ADAM28: variants seen among roughly 807,000 people sequenced by gnomAD.
The protein encoded by ADAM28 is disintegrin and metalloproteinase domain-containing protein 28.
Under a neutral mutation model 101.2 loss-of-function variants are expected in ADAM28, and 105 were observed. That is an observed-to-expected ratio of 1.04 (90% confidence interval 0.89 to 1.22). The LOEUF (loss-of-function observed/expected upper bound fraction) is 1.22. Among genes scored for constraint, ADAM28 ranks in the 50% most tolerant of loss-of-function variants. The pLI is 0.00. For missense variants in ADAM28, 1,028 were observed against 945.4 expected (o/e 1.09, Z -1.15); for synonymous variants, 322 against 310.6 (o/e 1.04, Z -0.39).
intron 18 of ADAM28, among the ~76,000 whole-genome samples, chr8:24,344,463 A>G (rs1815173803): frequency 1.3e-5 from 2 of 152,116 alleles, no homozygotes; most frequent in South Asian, 4.1e-4. Flanking sequence ...ATCTTGTTCT[A>G]TATACACAGG....
At chr8:24,346,395 T>C (rs1815402219) in intron 18 of ADAM28, among the ~76,000 whole-genome samples, 1 of 152,078 alleles carries the variant, frequency 6.6e-6, no homozygotes, top group South Asian at 2.1e-4. Flanking sequence ...ATTTCAGAGG[T>C]TAATAAACAC....
chr8:24,351,163 C>T (rs1325342244), intron 19 of ADAM28, 69 bp from the exon 20 acceptor site: 20 of 1,292,988 alleles, frequency 1.5e-5, no homozygotes, highest in Non-Finnish European at 2.0e-5. Flanking sequence ...TGGGAATCTT[C>T]TACGGAGTTT....
intron 2 of ADAM28, among the ~76,000 whole-genome samples, chr8:24,307,870 G>T (rs1350272622): frequency 1.3e-5 from 2 of 152,174 alleles, no homozygotes; most frequent in Non-Finnish European, 2.9e-5. Context: ...AGGCCCATTA[G>T]CTGATTTAGC....
chr8:24,311,444 C>T lies in ADAM28; in HGVS notation c.383+7C>T, dbSNP rs1459543899. ...GCACATGTAGGGGTCTAAGGTAAGA[C>T]TTCAGGAATGTTTTGCATGTACCTG... is the stretch of plus-strand genomic sequence containing the variant. On this transcript the variant is annotated splice_region_variant and intron_variant, in intron 5 of 22. Transcript: ENST00000265769. 2 of 1,609,514 alleles carry T rather than the reference C, an allele frequency of 1.2e-6. No individual in the cohort carries two copies. Among genetic ancestry groups the T allele is most frequent in the Admixed American group, 3.4e-5 (2 of 59,538 alleles).
chr8:24,303,340 AGT>A (rs1177859344), intron 2 of ADAM28, among the ~76,000 whole-genome samples: 2 of 152,196 alleles, frequency 1.3e-5, no homozygotes, highest in East Asian at 3.9e-4. Flanking sequence ...AAAGGGGTCC[AGT>A]TTCAATTTTC....
chr8:24,355,262 C>A lies in ADAM28; in HGVS notation c.*858C>A, dbSNP rs1449296383. 2.0e-5 allele frequency: 3 copies of A among 152,172 alleles called. No individual in the cohort carries two copies. 9.4% of individuals were successfully genotyped at this position (152,172 alleles called of 1,614,324 possible). On this transcript the variant is annotated 3_prime_UTR_variant, in exon 23 of 23. Coordinates refer to ENST00000265769, the MANE Select transcript of ADAM28 (RefSeq NM_014265.6). ...CTTTGTCAACAACAGACTTACATTG[C>A]CCATAGCAACCGTCAGCTTAGTTGA...
rs1201616010 is a variant in ADAM28 at position 24,358,567 on chromosome 8, A to C, written c.*4163A>C. On this transcript the variant is annotated 3_prime_UTR_variant, in exon 23 of 23. Transcript: ENST00000265769. ...AACACCTCTAACAAAATCTGTAGCC[A>C]CGTTGGCACATCTGCCCTTGAATTC... 6 of 152,202 alleles carry C rather than the reference A, an allele frequency of 3.9e-5. No individual in the cohort carries two copies. Among genetic ancestry groups the C allele is most frequent in the African/African-American group, 1.2e-4 (5 of 41,448 alleles). 9.4% of individuals were successfully genotyped at this position (152,202 alleles called of 1,614,324 possible).
intron 5 of ADAM28, 139 bp from the exon 6 acceptor site, chr8:24,313,248 AC>A: frequency 1.4e-6 from 1 of 694,910 alleles, no homozygotes; most frequent in Non-Finnish European, 2.3e-6. Flanking sequence ...TGTAAGTTTT[AC>A]TGTATTTTAT....
intron 15 of ADAM28, among the ~76,000 whole-genome samples, chr8:24,340,054 A>G (rs1031990396): frequency 1.3e-5 from 2 of 152,226 alleles, no homozygotes; most frequent in Non-Finnish European, 2.9e-5. Flanking sequence ...GAAAATATTG[A>G]CAATTCATCT....
chr8:24,331,102 C>T, intron 11 of ADAM28, 48 bp from the exon 12 acceptor site: 2 of 1,524,968 alleles, frequency 1.3e-6, no homozygotes, highest in Middle Eastern at 1.8e-4. Context: ...CTGCTTCGCA[C>T]ATGTTAAGCA....
chr8:24,324,055 T>C (rs1415317978), intron 9 of ADAM28, 52 bp downstream of exon 9: 6 of 1,565,326 alleles, frequency 3.8e-6, no homozygotes, highest in Non-Finnish European at 4.4e-6. Context: ...AGTGGATGCT[T>C]TTCTGAGCCT....
At chr8:24,298,806 A>G (rs772114453) in intron 1 of ADAM28, among the ~76,000 whole-genome samples, 39 of 152,202 alleles carry the variant, frequency 2.6e-4, no homozygotes, top group Non-Finnish European at 4.7e-4. Context: ...TCTATCGACT[A>G]TATACAGAGC....
In ADAM28 at chr8:24,355,999, T is replaced by C. The variant is rs548721895; in HGVS notation, c.*1595T>C. The C allele has an allele frequency of 8.5e-5, 13 of 152,300 alleles. No individual in the cohort carries two copies. Among genetic ancestry groups the C allele is most frequent in the African/African-American group, 2.9e-4 (12 of 41,574 alleles). 9.4% of individuals were successfully genotyped at this position (152,300 alleles called of 1,614,324 possible). ...AGGCCTGTCGCTTCATGAGGAACTT[T>C]ATGGTTCATTTACCCTTGCAGTATG... On this transcript the variant is annotated 3_prime_UTR_variant, in exon 23 of 23. Coordinates refer to ENST00000265769, the MANE Select transcript of ADAM28 (RefSeq NM_014265.6).
Position 24,321,212 on chromosome 8 carries a change from TTTTAG to T in ADAM28, c.649-1_652del, listed in dbSNP as rs1448339832. 6.3e-7 allele frequency: 1 copy of T among 1,583,790 alleles called. No homozygotes were observed. The highest frequency in any genetic ancestry group is 1.7e-5 in the Admixed American group (1 of 59,650). ...TGCCCATATTCTTTCTTAATTTTTC[TTTTAG>T]TTTAAAAGGTACAATGAGAATCAAG... On this transcript the variant is annotated splice_acceptor_variant and splice_polypyrimidine_tract_variant and intron_variant, in intron 7 of 22. Coordinates refer to ENST00000265769, the MANE Select transcript of ADAM28 (RefSeq NM_014265.6). LOFTEE classifies it high-confidence loss of function.
At chr8:24,320,352 A>G in intron 7 of ADAM28, 45 bp downstream of exon 7, 1 of 1,233,438 alleles carries the variant, frequency 8.1e-7, no homozygotes, top group Non-Finnish European at 1.2e-6. Flanking sequence ...ACTCCCACCC[A>G]CATATATTTA....
intron 9 of ADAM28, among the ~76,000 whole-genome samples, chr8:24,325,270 C>A (rs1003961596): frequency 6.6e-6 from 1 of 151,726 alleles, no homozygotes; most frequent in Non-Finnish European, 1.5e-5. Flanking sequence ...AAATAAATGA[C>A]GATACAATGT....
chr8:24,323,878 A>C lies in ADAM28; in HGVS notation c.765A>C (p.Glu255Asp), dbSNP rs775228945. The change falls in exon 9 of 23, where the codon GAA (glutamate) becomes GAC (aspartate). Residue 255 changes from glutamate (E) to aspartate (D), a missense_variant. Transcript: ENST00000265769. ...CTCATGTGGCCTTAGTTGGTATGGA[A>C]ATCTGGACTGACAAGGATAAGATAA... is the stretch of plus-strand genomic sequence containing the variant. ...LNTHVALVGMEIWTDKDKIKI... is the reference protein window; with the variant it reads ...LNTHVALVGMDIWTDKDKIKI... 128 of 1,612,178 alleles carry C rather than the reference A, an allele frequency of 7.9e-5. No homozygotes were observed. The East Asian group carries it at 1.3e-3, about 16-fold the overall frequency.
intron 1 of ADAM28, among the ~76,000 whole-genome samples, chr8:24,297,172 G>T (rs932491386): frequency 1.1e-3 from 162 of 146,388 alleles, no homozygotes; most frequent in East Asian, 3.5e-3. Flanking sequence ...TTTTTTTGTT[G>T]TTGTTGTTGT....
At chr8:24,331,936 C>T (rs1367758427) in intron 12 of ADAM28, among the ~76,000 whole-genome samples, 2 of 152,108 alleles carry the variant, frequency 1.3e-5, no homozygotes, top group African/African-American at 4.8e-5. Flanking sequence ...ATGCATCAAG[C>T]CTTCAGAGTA....
Sources: gnomAD v4.1 joint callset for allele counts (sites outside exome capture counted in the v4.1 genomes callset) on GRCh38, gnomAD v4.1.1 for gene constraint, MANE v1.5 for transcripts, NCBI Gene and HGNC (gene_info 2026-07-23, HGNC 2026-07-21) for gene names.